Variants in GALNT13 observed in about 807,000 individuals in gnomAD.
GALNT13 encodes polypeptide N-acetylgalactosaminyltransferase 13.
In GALNT13, 28 loss-of-function variants were observed where a neutral mutation model predicts 64.2. The observed-to-expected ratio is 0.44, with a 90% confidence interval of 0.32 to 0.60. The LOEUF (loss-of-function observed/expected upper bound fraction) is 0.60, where lower values mean the gene tolerates loss of function less well. Ranked by LOEUF, GALNT13 falls within the 20% of genes least tolerant of loss-of-function variation. The pLI is 0.05. For missense variants in GALNT13, 577 were observed against 669.8 expected, an observed-to-expected ratio of 0.86 and a Z score of 1.53; for synonymous variants, 214 against 224.6, an observed-to-expected ratio of 0.95 and a Z score of 0.42.
At chr2:154,429,260 G>A (rs982336655) in intron 11 of GALNT13, among the ~76,000 whole-genome samples, 2 of 152,126 alleles carry the variant, frequency 1.3e-5, no homozygotes, top group East Asian at 3.9e-4. Context: ...CAAAAAGTAG[G>A]CATCTTGCAC....
chr2:153,497,096 T>C, the GALNT13 span, among the ~76,000 whole-genome samples: 12 of 151,678 alleles, frequency 7.9e-5, no homozygotes, highest in Admixed American at 7.9e-4. Flanking sequence ...CACATTCAAA[T>C]AGCGGACACT....
intron 11 of GALNT13, among the ~76,000 whole-genome samples, chr2:154,422,648 T>A: frequency 6.6e-6 from 1 of 152,206 alleles, no homozygotes. Context: ...AAAATATGTG[T>A]TTATGACTGT....
chr2:154,147,123 T>C (rs2105603829), intron 4 of GALNT13, among the ~76,000 whole-genome samples: 1 of 152,104 alleles, frequency 6.6e-6, no homozygotes, highest in African/African-American at 2.4e-5. Flanking sequence ...TCTTTAGCAT[T>C]ATTTTCATTT....
At chr2:153,177,435 A>G in the GALNT13 span, among the ~76,000 whole-genome samples, 1 of 152,152 alleles carries the variant, frequency 6.6e-6, no homozygotes, top group South Asian at 2.1e-4. Flanking sequence ...AAATAGTAAG[A>G]TAATACAGTT....
At chr2:153,277,408 G>A in the GALNT13 span, among the ~76,000 whole-genome samples, 5 of 152,052 alleles carry the variant, frequency 3.3e-5, no homozygotes, top group African/African-American at 1.2e-4. Flanking sequence ...CGGCTGTGTC[G>A]TATTCTGTGG....
intron 8 of GALNT13, among the ~76,000 whole-genome samples, chr2:154,277,600 A>G (rs1483219546): frequency 5.9e-5 from 9 of 152,170 alleles, no homozygotes; most frequent in African/African-American, 2.2e-4. Context: ...GATTCTAGAT[A>G]CTAGGACTGA....
At chr2:153,830,365 A>G in the GALNT13 span, among the ~76,000 whole-genome samples, 1 of 152,092 alleles carries the variant, frequency 6.6e-6, no homozygotes, top group African/African-American at 2.4e-5. Flanking sequence ...CTTAGGTTAG[A>G]TTCCTAGAAA....
At chr2:153,771,719 G>GCGGAGAGGAC in the GALNT13 span, among the ~76,000 whole-genome samples, 1 of 152,124 alleles carries the variant, frequency 6.6e-6, no homozygotes, top group African/African-American at 2.4e-5. Context: ...CTGGAAATAT[G>GCGGAGAGGAC]TCTAGTCATA....
the GALNT13 span, among the ~76,000 whole-genome samples, chr2:153,787,156 G>A: frequency 3.8e-3 from 582 of 152,220 alleles, 5 homozygotes; most frequent in African/African-American, 0.014. Flanking sequence ...GTACTAAGCT[G>A]TGATCTATGT....
At chr2:154,115,259 C>A (rs952663996) in intron 3 of GALNT13, among the ~76,000 whole-genome samples, 2 of 152,028 alleles carry the variant, frequency 1.3e-5, no homozygotes, top group African/African-American at 4.8e-5. Flanking sequence ...GCTAACTAAG[C>A]AAATAAACTA....
At chr2:154,016,087 T>C (rs959667582) in intron 3 of GALNT13, among the ~76,000 whole-genome samples, 1 of 152,180 alleles carries the variant, frequency 6.6e-6, no homozygotes, top group African/African-American at 2.4e-5. Flanking sequence ...TGGACAAATA[T>C]CTGACAGACT....
the GALNT13 span, among the ~76,000 whole-genome samples, chr2:153,781,566 A>G: frequency 6.6e-6 from 1 of 152,198 alleles, no homozygotes; most frequent in Non-Finnish European, 1.5e-5. Flanking sequence ...CTCCATGGCA[A>G]CGAAAACTCT....
intron 3 of GALNT13, among the ~76,000 whole-genome samples, chr2:154,047,518 T>C (rs2105339386): frequency 6.6e-6 from 1 of 152,274 alleles, no homozygotes; most frequent in East Asian, 1.9e-4. Flanking sequence ...GATAATCAAT[T>C]AAATTAGAGC....
the GALNT13 span, among the ~76,000 whole-genome samples, chr2:153,148,209 C>T: frequency 5.9e-5 from 9 of 151,798 alleles, no homozygotes; most frequent in Non-Finnish European, 1.0e-4. Flanking sequence ...TAAATTACTC[C>T]TTTGTGGGTG....
rs36004587 is a variant in GALNT13 at position 154,403,655 on chromosome 2, G to A, written c.1297-5329G>A. Among the ~76,000 whole-genome samples, 1,515 of 152,228 alleles carry A rather than the reference G, an allele frequency of 1.0e-2. 9 individuals are homozygous for A. The highest frequency in any genetic ancestry group is 0.017 in the Admixed American group (261 of 15,278). ...CCTCAGCTCATCAGGATGGCACTAA[G>A]CATAAAGAATACTTTGTTTTTAGGC... is the stretch of plus-strand genomic sequence containing the variant. On this transcript the variant is annotated intron_variant, in intron 10 of 12. Transcript: ENST00000392825.
the GALNT13 span, among the ~76,000 whole-genome samples, chr2:153,336,023 A>G: frequency 2.6e-3 from 393 of 152,260 alleles, 4 homozygotes; most frequent in East Asian, 0.028. Context: ...CATCTTCCAT[A>G]TGGTCTTGAG....
chr2:154,381,026 T>C (rs932491994), intron 9 of GALNT13, among the ~76,000 whole-genome samples: 8 of 152,008 alleles, frequency 5.3e-5, no homozygotes, highest in African/African-American at 1.9e-4. Flanking sequence ...TAACAAGATG[T>C]AATATAATCA....
At chr2:154,406,856 C>T (rs1468662527) in intron 10 of GALNT13, among the ~76,000 whole-genome samples, 4 of 152,154 alleles carry the variant, frequency 2.6e-5, no homozygotes, top group African/African-American at 9.7e-5. Flanking sequence ...ATACATTTTC[C>T]TGATACTACT....
the GALNT13 span, among the ~76,000 whole-genome samples, chr2:153,638,798 G>A: frequency 1.3e-5 from 2 of 151,970 alleles, no homozygotes; most frequent in Non-Finnish European, 2.9e-5. Flanking sequence ...CAGTGGAAGA[G>A]GAATAAATGT....
Sources: gnomAD v4.1 joint callset for allele counts (sites outside exome capture counted in the v4.1 genomes callset) on GRCh38, gnomAD v4.1.1 for gene constraint, MANE v1.5 for transcripts, NCBI Gene and HGNC (gene_info 2026-07-23, HGNC 2026-07-21) for gene names.